SPDEF: variants seen among roughly 807,000 people sequenced by gnomAD.
The protein encoded by SPDEF is SAM pointed domain-containing Ets transcription factor.
Under a neutral mutation model 36.0 loss-of-function variants are expected in SPDEF, and 12 were observed. The ratio of observed to expected loss-of-function variants is 0.33; its 90% CI spans 0.21 to 0.54. SPDEF has a LOEUF of 0.54. Among genes scored for constraint, SPDEF ranks in the 20% least tolerant of loss-of-function variants. SPDEF has a pLI of 0.93. For synonymous variants in SPDEF, 205 were observed against 193.0 expected (o/e 1.06, Z -0.51); for missense variants, 388 against 456.9 (o/e 0.85, Z 1.37).
Position 34,544,429 on chromosome 6 carries a change from G to T in SPDEF, c.27C>A (p.Ser9Arg). 6.4e-7 allele frequency: 1 copy of T among 1,571,770 alleles called. No homozygotes were observed. The stretch of plus-strand genomic sequence containing the variant: ...GCAGGAGGTGGCTGGGGGATACGCT[G>T]CTCAGACCCGGGCTGGCGCTGCCCA... MGSASPGLSSVSPSHLLLP... is the reference protein window; with the variant it reads MGSASPGLRSVSPSHLLLP... The change falls in exon 2 of 6, where the codon AGC (serine) becomes AGA (arginine). Residue 9 changes from serine to arginine, a missense_variant. Transcript: ENST00000374037. The surrounding 1 kb of genome is among the most constrained non-coding windows in gnomAD (Gnocchi z 4.4).
chr6:34,541,314 C>A, intron 2 of SPDEF, 133 bp from the exon 3 acceptor site: 1 of 808,150 alleles, frequency 1.2e-6, no homozygotes, highest in East Asian at 2.7e-5. Flanking sequence ...CCAGACAGGC[C>A]CCTGAGGGCC....
rs1449885140 is a variant in SPDEF at position 34,544,713 on chromosome 6, A to T, written c.-29-229T>A. Among the ~76,000 whole-genome samples the T allele has an allele frequency of 6.6e-6, 1 of 152,166 alleles. No individual in the cohort carries two copies. Among genetic ancestry groups the T allele is most frequent in the Non-Finnish European group, 1.5e-5 (1 of 68,014 alleles). On this transcript the variant is annotated intron_variant, in intron 1 of 5. Coordinates refer to ENST00000374037, the MANE Select transcript of SPDEF (RefSeq NM_012391.3). This position sits in a 1 kb window ranked among gnomAD's most constrained non-coding sequence, Gnocchi z 4.4. ...AGGACTAGAAATAGATCGCTCCCTCAATCCCCAAGGAAGCCAGGCTGGCTG... is the reference window on the plus strand; with the variant it reads ...AGGACTAGAAATAGATCGCTCCCTCTATCCCCAAGGAAGCCAGGCTGGCTG...
At chr6:34,553,947 A>G (rs940927272) in intron 1 of SPDEF, among the ~76,000 whole-genome samples, 2 of 55,832 alleles carry the variant, frequency 3.6e-5, no homozygotes, top group Non-Finnish European at 6.8e-5. Context: ...CCCAACGCCC[A>G]GGAGACCGGC....
At chr6:34,551,434 C>G (rs190745922) in intron 1 of SPDEF, among the ~76,000 whole-genome samples, 115 of 152,346 alleles carry the variant, frequency 7.5e-4, no homozygotes, top group African/African-American at 2.6e-3. Flanking sequence ...AGGAGAGACC[C>G]TGGGTGAGTC....
intron 1 of SPDEF, among the ~76,000 whole-genome samples, chr6:34,547,099 A>G (rs1272900258): frequency 6.7e-6 from 1 of 150,330 alleles, no homozygotes; most frequent in Non-Finnish European, 1.5e-5. Context: ...AGTCTCTGCC[A>G]ACACCCTGGG....
intron 1 of SPDEF, among the ~76,000 whole-genome samples, chr6:34,553,649 C>T (rs923940899): frequency 6.6e-6 from 1 of 151,694 alleles, no homozygotes; most frequent in African/African-American, 2.4e-5. Context: ...GCCCTGGGCA[C>T]AGGTGAGGGG....
At position 34,552,070 on chromosome 6, in the gene SPDEF, C is replaced by T. The variant is rs1768073143; in HGVS notation, c.-30+3859G>A. ...CACCAAGGCTGCCATACCCCCACCA[C>T]CTGCACATCCCCGCTTTGCCATGAT... On this transcript the variant is annotated intron_variant, in intron 1 of 5. Transcript: ENST00000374037. This position sits in a 1 kb window ranked among gnomAD's most constrained non-coding sequence, Gnocchi z 4.6. 6.6e-6 allele frequency among the ~76,000 whole-genome samples: 1 copy of T among 152,230 alleles called. No homozygotes were observed. The highest frequency in any genetic ancestry group is 2.4e-5 in the African/African-American group (1 of 41,450).
rs2127287666 is a variant in SPDEF, at chr6:34,544,558, A to C, written c.-29-74T>G. 1.6e-6 allele frequency: 2 copies of C among 1,248,762 alleles called. No individual in the cohort carries two copies. Among genetic ancestry groups the C allele is most frequent in the East Asian group, 5.2e-5 (2 of 38,368 alleles). The allele number at this position is 1,248,762 out of a possible 1,614,324, so 77.4% of individuals were successfully genotyped here. A position where few individuals can be genotyped will look rare whatever the true frequency, so the allele number is the denominator to read the frequency against. On this transcript the variant is annotated intron_variant, in intron 1 of 5. Coordinates refer to ENST00000374037, the MANE Select transcript of SPDEF (RefSeq NM_012391.3). This position sits in a 1 kb window ranked among gnomAD's most constrained non-coding sequence, Gnocchi z 4.4. ...GGGGGCCGCTAAGCTGGTTATGGGG[A>C]TGAGGGGCCCTGTGGACAGTGGGCT...
At chr6:34,549,905 G>C (rs1168611169) in intron 1 of SPDEF, among the ~76,000 whole-genome samples, 1 of 152,172 alleles carries the variant, frequency 6.6e-6, no homozygotes, top group Non-Finnish European at 1.5e-5. Flanking sequence ...GGCCTACTGA[G>C]CTGTCTGTCA....
At chr6:34,540,030 G>A (rs1767784528) in intron 3 of SPDEF, among the ~76,000 whole-genome samples, 1 of 152,190 alleles carries the variant, frequency 6.6e-6, no homozygotes, top group African/African-American at 2.4e-5. Context: ...GCCGGGCGTG[G>A]AGGCTCATGC....
In SPDEF at chr6:34,539,598, G is replaced by A; in HGVS notation, c.635-36C>T. The A allele has an allele frequency of 6.4e-7, 1 of 1,553,190 alleles. No individual in the cohort carries two copies. The highest frequency in any genetic ancestry group is 8.7e-7 in the Non-Finnish European group (1 of 1,149,244). On this transcript the variant is annotated intron_variant, in intron 3 of 5. Transcript: ENST00000374037. This position sits in a 1 kb window ranked among gnomAD's most constrained non-coding sequence, Gnocchi z 5.2. ...AGGAGAGGGGGTTGGGGACCCAGGAGAGGCCCCGAGGGTGGAGGAGGGGAG... is the reference window on the plus strand; with the variant it reads ...AGGAGAGGGGGTTGGGGACCCAGGAAAGGCCCCGAGGGTGGAGGAGGGGAG...
In SPDEF at chr6:34,542,199, C is replaced by T. The variant is rs772438889; in HGVS notation, c.437-1018G>A. 1.8e-4 allele frequency among the ~76,000 whole-genome samples: 27 copies of T among 152,260 alleles called. 1 individual carries two copies. The highest frequency in any genetic ancestry group is 4.1e-4 in the South Asian group (2 of 4,830). ...ACGGGGCAGCTTTGGGGGCAGGGGC[C>T]GGGCCTGAGGGATGCATGAAGACCC... On this transcript the variant is annotated intron_variant, in intron 2 of 5. Transcript: ENST00000374037.
rs1337618808 is a variant in SPDEF, at chr6:34,547,295, ATGACACATCCT to A, written c.-29-2822_-29-2812del. 3.3e-5 allele frequency among the ~76,000 whole-genome samples: 5 copies of A among 152,004 alleles called. No homozygotes were observed. The South Asian group carries it at 8.3e-4, about 25-fold the overall frequency. Reference sequence around the variant, plus strand: ...GCAGCTTTTGCCAGGAAGGCATATAATGACACATCCTTGACACATTTGCTGAGTGCATGTGA... The same window carrying A: ...GCAGCTTTTGCCAGGAAGGCATATAATGACACATTTGCTGAGTGCATGTGA... On this transcript the variant is annotated intron_variant, in intron 1 of 5. Coordinates refer to ENST00000374037, the MANE Select transcript of SPDEF (RefSeq NM_012391.3).
At position 34,555,675 on chromosome 6, in the gene SPDEF, G is replaced by T. The variant is rs1362238180; in HGVS notation, c.-30+254C>A. ...TGGGCAGACTGGGCTCAGTGTGGGG[G>T]ACCCCAGGCCTTGCCGGGCAAGGGG... On this transcript the variant is annotated intron_variant, in intron 1 of 5. Transcript: ENST00000374037. The surrounding 1 kb of genome is among the most constrained non-coding windows in gnomAD (Gnocchi z 5.2). Among the ~76,000 whole-genome samples the T allele has an allele frequency of 6.6e-6, 1 of 152,066 alleles. No individual in the cohort carries two copies. Among genetic ancestry groups the T allele is most frequent in the Non-Finnish European group, 1.5e-5 (1 of 67,978 alleles).
chr6:34,545,620 T>A (rs1314106065), intron 1 of SPDEF, among the ~76,000 whole-genome samples: 1 of 152,158 alleles, frequency 6.6e-6, no homozygotes, highest in African/African-American at 2.4e-5. Context: ...TAAGAATACA[T>A]CAAGACAGGC....
chr6:34,549,233 C>A (rs1245682323), intron 1 of SPDEF, among the ~76,000 whole-genome samples: 1 of 152,236 alleles, frequency 6.6e-6, no homozygotes, highest in Non-Finnish European at 1.5e-5. Flanking sequence ...AGATCCCACT[C>A]CAGACAAAGA....
In SPDEF at chr6:34,555,809, G is replaced by C. The variant is rs1024623015; in HGVS notation, c.-30+120C>G. On this transcript the variant is annotated intron_variant, in intron 1 of 5. Coordinates refer to ENST00000374037, the MANE Select transcript of SPDEF (RefSeq NM_012391.3). This position sits in a 1 kb window ranked among gnomAD's most constrained non-coding sequence, Gnocchi z 5.2. ...CCAGGTCACAGGGTCACTGATGACTGGGAGATGAGCTCTGAGCTGGCAAAG... is the reference window on the plus strand; with the variant it reads ...CCAGGTCACAGGGTCACTGATGACTCGGAGATGAGCTCTGAGCTGGCAAAG... 6.5e-6 allele frequency: 1 copy of C among 152,762 alleles called. No homozygotes were observed. Among genetic ancestry groups the C allele is most frequent in the African/African-American group, 2.4e-5 (1 of 41,454 alleles). The allele number at this position is 152,762 out of a possible 1,614,324, so 9.5% of individuals were successfully genotyped here.
chr6:34,553,767 T>A (rs1389599429), intron 1 of SPDEF, among the ~76,000 whole-genome samples: 1 of 150,664 alleles, frequency 6.6e-6, no homozygotes, highest in Non-Finnish European at 1.5e-5. Flanking sequence ...GAGAGTGGAG[T>A]CTGGGGGGAG....
chr6:34,541,408 GTAA>G (rs1257948155), intron 2 of SPDEF, among the ~76,000 whole-genome samples: 1 of 152,156 alleles, frequency 6.6e-6, no homozygotes, highest in East Asian at 1.9e-4. Context: ...TCAGGGCAGG[GTAA>G]CCTGGTGCAT....
Sources: gnomAD v4.1 joint callset for allele counts (sites outside exome capture counted in the v4.1 genomes callset) on GRCh38, gnomAD v4.1.1 for gene constraint, Gnocchi (gnomAD v3.1) non-coding constraint, MANE v1.5 for transcripts, NCBI Gene and HGNC (gene_info 2026-07-23, HGNC 2026-07-21) for gene names.